Variants in XYLT1 observed in about 807,000 individuals in gnomAD.
XYLT1 encodes beta-D-xylosyltransferase 1.
A neutral mutation model predicts 91.3 loss-of-function variants in XYLT1; 36 were observed. The observed-to-expected ratio is 0.39, with a 90% CI of 0.30 to 0.52. The LOEUF (loss-of-function observed/expected upper bound fraction) is 0.52. XYLT1 is among the 20% of genes least tolerant of loss of function. The pLI is 0.68. For synonymous variants in XYLT1, 588 were observed against 532.0 expected, an observed-to-expected ratio of 1.11 and a Z score of -1.45; for missense variants, 1,242 against 1,284.5, an observed-to-expected ratio of 0.97 and a Z score of 0.51.
chr16:17,417,835 G>C (rs539253969), intron 1 of XYLT1, among the ~76,000 whole-genome samples: 1 of 152,268 alleles, frequency 6.6e-6, no homozygotes, highest in African/African-American at 2.4e-5. Context: ...GCTCCTGCTG[G>C]ACCTCTTAGA....
At chr16:17,452,750 C>CCTG (rs2036683302) in intron 1 of XYLT1, among the ~76,000 whole-genome samples, 1 of 152,102 alleles carries the variant, frequency 6.6e-6, no homozygotes, top group African/African-American at 2.4e-5. Context: ...AAGTTTTCTA[C>CCTG]TTTTGAAATC....
chr16:17,283,296 A>G (rs1003332023), intron 2 of XYLT1, among the ~76,000 whole-genome samples: 1 of 152,158 alleles, frequency 6.6e-6, no homozygotes, highest in African/African-American at 2.4e-5. Context: ...TTGTTCTTTA[A>G]TATCTGTCAG....
chr16:17,412,215 G>T (rs981599643), intron 1 of XYLT1, among the ~76,000 whole-genome samples: 1 of 152,038 alleles, frequency 6.6e-6, no homozygotes. Flanking sequence ...CTGGTGAGGT[G>T]CAGTTTGTTC....
chr16:17,319,552 C>T (rs966245360), intron 2 of XYLT1, among the ~76,000 whole-genome samples: 2 of 151,996 alleles, frequency 1.3e-5, no homozygotes, highest in African/African-American at 4.8e-5. Context: ...AAGCGATTCT[C>T]ATGACTCAGC....
intron 2 of XYLT1, among the ~76,000 whole-genome samples, chr16:17,291,927 C>A (rs943139451): frequency 6.6e-6 from 1 of 151,952 alleles, no homozygotes; most frequent in Non-Finnish European, 1.5e-5. Flanking sequence ...TAGCTGACAC[C>A]TGTAATCCTA....
chr16:17,274,196 T>C (rs190979404), intron 2 of XYLT1, among the ~76,000 whole-genome samples: 12 of 152,310 alleles, frequency 7.9e-5, no homozygotes, highest in Non-Finnish European at 1.5e-4. Flanking sequence ...ACAGGCATCA[T>C]CATTTAAATA....
rs74010577 is a variant in XYLT1, at chr16:17,288,738, T to G, written c.403-29240A>C. Among the ~76,000 whole-genome samples the G allele has an allele frequency of 3.1e-3, 469 of 152,262 alleles. 1 individual carries two copies. Among genetic ancestry groups the G allele is most frequent in the African/African-American group, 0.01 (429 of 41,558 alleles). The stretch of plus-strand genomic sequence containing the variant: ...ACGTGGAGGCGAGTCCAAATGACTT[T>G]CCTCTCAGTTGAGATAATCCTAGAC... On this transcript the variant is annotated intron_variant, in intron 2 of 11. Transcript: ENST00000261381.
At chr16:17,462,938 T>A (rs957317651) in intron 1 of XYLT1, among the ~76,000 whole-genome samples, 1 of 152,172 alleles carries the variant, frequency 6.6e-6, no homozygotes, top group Non-Finnish European at 1.5e-5. Context: ...ACCCACACTT[T>A]AATATCAACT....
rs116911953 is a variant in XYLT1 at position 17,310,020 on chromosome 16, C to T, written c.402+47992G>A. 5.1e-3 allele frequency among the ~76,000 whole-genome samples: 774 copies of T among 152,232 alleles called. 4 individuals are homozygous for T. The highest frequency in any genetic ancestry group is 0.014 in the Middle Eastern group (4 of 294). ...GAGGCTGGGAGTGGGAACACATCAT[C>T]CCTGTAAAGATGGGATCAGATTGAA... On this transcript the variant is annotated intron_variant, in intron 2 of 11. Transcript: ENST00000261381.
intron 1 of XYLT1, among the ~76,000 whole-genome samples, chr16:17,456,260 T>A (rs1229646718): frequency 1.3e-5 from 2 of 151,834 alleles, no homozygotes; most frequent in African/African-American, 2.4e-5. Flanking sequence ...GGTGGTTTGA[T>A]CTTGGGCAAT....
At chr16:17,182,143 G>C (rs2032084581) in intron 5 of XYLT1, among the ~76,000 whole-genome samples, 1 of 152,208 alleles carries the variant, frequency 6.6e-6, no homozygotes, top group Admixed American at 6.5e-5. Context: ...ACAAAGGTTG[G>C]ATTTGTTGCT....
At chr16:17,171,100 G>A (rs1215304070) in intron 5 of XYLT1, among the ~76,000 whole-genome samples, 1 of 152,214 alleles carries the variant, frequency 6.6e-6, no homozygotes, top group Non-Finnish European at 1.5e-5. Context: ...TGTTGAGCCA[G>A]TGAAAACAAG....
At chr16:17,339,727 T>C (rs2035038239) in intron 2 of XYLT1, among the ~76,000 whole-genome samples, 1 of 152,202 alleles carries the variant, frequency 6.6e-6, no homozygotes, top group Admixed American at 6.5e-5. Flanking sequence ...CACCAGGTCC[T>C]TCATCTTCCA....
intron 1 of XYLT1, among the ~76,000 whole-genome samples, chr16:17,425,561 A>G (rs776659272): frequency 3.9e-5 from 6 of 152,194 alleles, no homozygotes; most frequent in Non-Finnish European, 5.9e-5. Flanking sequence ...CAAAGCTCAC[A>G]TTTAAACACA....
chr16:17,143,102 T>C (rs2031029514), intron 6 of XYLT1, among the ~76,000 whole-genome samples: 1 of 152,158 alleles, frequency 6.6e-6, no homozygotes. Context: ...ACCAAAGCTG[T>C]TCAGGTCCCA....
chr16:17,187,566 C>CAAAAAAA (rs57130941), intron 5 of XYLT1, among the ~76,000 whole-genome samples: 28 of 56,860 alleles, frequency 4.9e-4, no homozygotes, highest in Non-Finnish European at 6.1e-4. Context: ...AACGCTGTCT[C>CAAAAAAA]AAAAAAAAAA....
chr16:17,342,603 T>G (rs1283272329), intron 2 of XYLT1, among the ~76,000 whole-genome samples: 1 of 151,946 alleles, frequency 6.6e-6, no homozygotes, highest in East Asian at 1.9e-4. Context: ...GTGCCTGTAA[T>G]CCCAGCTACC....
rs1326257138 is a variant in XYLT1 at position 17,248,630 on chromosome 16, AAT to A, written c.913+10356_913+10357del. ...TGCACACGATACTCCCTTGACCTGG[AAT>A]GTCCCCCTCCAGCTTTTCCTCTAGT... On this transcript the variant is annotated intron_variant, in intron 3 of 11. Transcript: ENST00000261381. Among the ~76,000 whole-genome samples the A allele has an allele frequency of 2.6e-4, 39 of 152,186 alleles. No individual in the cohort carries two copies. In the East Asian group the frequency reaches 3.1e-3, roughly 12 times the overall value.
intron 3 of XYLT1, among the ~76,000 whole-genome samples, chr16:17,242,200 G>A (rs1350440055): frequency 6.6e-6 from 1 of 152,262 alleles, no homozygotes; most frequent in East Asian, 1.9e-4. Context: ...TATGAGCAGG[G>A]GTTGGCGAAT....
Sources: gnomAD v4.1 joint callset for allele counts (sites outside exome capture counted in the v4.1 genomes callset) on GRCh38, gnomAD v4.1.1 for gene constraint, MANE v1.5 for transcripts, NCBI Gene and HGNC (gene_info 2026-07-23, HGNC 2026-07-21) for gene names.